Variants in PHYHD1 observed in about 807,000 individuals in gnomAD.
The protein encoded by PHYHD1 is phytanoyl-CoA dioxygenase domain-containing protein 1.
Under a neutral mutation model 43.6 loss-of-function variants are expected in PHYHD1, and 42 were observed. The observed-to-expected ratio is 0.96, with a 90% CI of 0.75 to 1.25. PHYHD1 has a LOEUF of 1.25. PHYHD1 is among the 50% of genes most tolerant of loss of function. The pLI, the probability that PHYHD1 is intolerant of heterozygous loss-of-function variation, is 0.00. For synonymous variants in PHYHD1, 139 were observed against 143.6 expected (o/e 0.97, Z 0.23); for missense variants, 342 against 370.8 (o/e 0.92, Z 0.64).
intron 6 of PHYHD1, 78 bp from the exon 7 acceptor site, chr9:128,936,370 G>C: frequency 1.3e-6 from 2 of 1,540,654 alleles, no homozygotes; most frequent in Non-Finnish European, 1.8e-6. Flanking sequence ...AAGTAAGCCT[G>C]AGTGTGGGTG....
chr9:128,940,806 G>A (rs2131121114), intron 11 of PHYHD1, 91 bp downstream of exon 11: 1 of 1,270,192 alleles, frequency 7.9e-7, no homozygotes, highest in East Asian at 2.3e-5. Context: ...TTGCCCTCGG[G>A]GTCATCTGAG....
chr9:128,931,626 G>A (rs1238139710), intron 4 of PHYHD1, among the ~76,000 whole-genome samples: 6 of 152,076 alleles, frequency 3.9e-5, no homozygotes, highest in African/African-American at 1.2e-4. Flanking sequence ...CTGGGCTCAC[G>A]CCATTCTCCT....
intron 3 of PHYHD1, 109 bp from the exon 4 acceptor site, chr9:128,926,929 C>A: frequency 6.9e-7 from 1 of 1,457,794 alleles, no homozygotes; most frequent in Non-Finnish European, 9.6e-7. Context: ...GGGGACAGGG[C>A]AGCAAACAAG....
In PHYHD1 at chr9:128,936,467, C is replaced by T. The variant is rs140520862; in HGVS notation, c.336C>T (p.Pro112=). 5.5e-5 allele frequency: 89 copies of T among 1,613,496 alleles called. No individual in the cohort carries two copies. The African/African-American group carries it at 8.0e-4, about 15-fold the overall frequency. The stretch of plus-strand genomic sequence containing the variant: ...CCATAGCTCTGCACGCCCACGACCC[C>T]GTCTTCAAGAGCATCACACACTCCT... ...KIGHALHAHD[P]VFKSITHSFK... is the part of the protein sequence containing the mutation. The change falls in exon 7 of 13, where the codon CCC becomes CCT. Residue 112 remains proline (P), a synonymous_variant. Transcript: ENST00000372592.
chr9:128,922,161 T>A lies in PHYHD1; in HGVS notation c.-42+114T>A, dbSNP rs995001152. 1.3e-5 allele frequency: 9 copies of A among 707,214 alleles called. No homozygotes were observed. The African/African-American group carries it at 1.7e-4, about 13-fold the overall frequency. The allele number at this position is 707,214 out of a possible 1,614,324, so 43.8% of individuals were successfully genotyped here. ...GTTGTGGGGGTGGGGGAGATTAGCC[T>A]GGAGGTCACAGGCTGATCTGGCTGT... On this transcript the variant is annotated intron_variant, in intron 2 of 12. Coordinates refer to ENST00000372592, the MANE Select transcript of PHYHD1 (RefSeq NM_001100876.2).
chr9:128,937,152 G>A (rs888716091), intron 8 of PHYHD1, among the ~76,000 whole-genome samples: 3 of 151,888 alleles, frequency 2.0e-5, no homozygotes, highest in South Asian at 4.2e-4. Flanking sequence ...AGTGGCTCAC[G>A]CTTGTAATCC....
At chr9:128,935,487 T>C (rs1841400565) in intron 6 of PHYHD1, among the ~76,000 whole-genome samples, 1 of 148,854 alleles carries the variant, frequency 6.7e-6, no homozygotes. Flanking sequence ...AGCCGGACCT[T>C]GTTGTGGGCG....
At chr9:128,941,076 C>A (rs572080988) in intron 11 of PHYHD1, among the ~76,000 whole-genome samples, 3 of 152,154 alleles carry the variant, frequency 2.0e-5, no homozygotes, top group African/African-American at 7.2e-5. Context: ...GGCTGTTGGG[C>A]GGCCCTTTTT....
chr9:128,941,704 G>A lies in PHYHD1; in HGVS notation c.867G>A (p.Leu289=), dbSNP rs919900974. ...QPTAELPFPQ[L]YT ...CAGCTGAACTGCCCTTTCCCCAACTGTACACCTAAAGGCTCTCGCAGGGCA... is the reference window on the plus strand; with the variant it reads ...CAGCTGAACTGCCCTTTCCCCAACTATACACCTAAAGGCTCTCGCAGGGCA... Residue 289 remains leucine (L), a synonymous_variant, in exon 13 of 13, where the codon CTG becomes CTA. Transcript: ENST00000372592. 3.1e-6 allele frequency: 5 copies of A among 1,614,056 alleles called. No individual in the cohort carries two copies. In the African/African-American group the frequency reaches 6.7e-5, roughly 22 times the overall value.
Position 128,941,665 on chromosome 9 carries a change from C to A in PHYHD1, c.831-3C>A. ...AAGGTTGTTTCTCCTCTATCCTCTGCAGGCTCCAGCCAACAGCTGAACTGC... is the reference window on the plus strand; with the variant it reads ...AAGGTTGTTTCTCCTCTATCCTCTGAAGGCTCCAGCCAACAGCTGAACTGC... On this transcript the variant is annotated splice_region_variant and splice_polypyrimidine_tract_variant and intron_variant, in intron 12 of 12. Transcript: ENST00000372592. 1 of 1,614,196 alleles carries A rather than the reference C, an allele frequency of 6.2e-7. No individual in the cohort carries two copies. Among genetic ancestry groups the A allele is most frequent in the East Asian group, 2.2e-5 (1 of 44,888 alleles).
At chr9:128,924,281 G>T (rs867381712) in intron 3 of PHYHD1, among the ~76,000 whole-genome samples, 14 of 152,246 alleles carry the variant, frequency 9.2e-5, no homozygotes, top group Middle Eastern at 3.4e-3. Context: ...AGCTGGGCAT[G>T]GTGGCGGGCG....
intron 4 of PHYHD1, 67 bp from the exon 5 acceptor site, chr9:128,933,715 C>T: frequency 6.5e-7 from 1 of 1,530,910 alleles, no homozygotes; most frequent in Non-Finnish European, 9.1e-7. Context: ...AATCCGCCTC[C>T]CTCTTTGCCA....
intron 10 of PHYHD1, 47 bp from the exon 11 acceptor site, chr9:128,940,552 G>A (rs1841532021): frequency 1.9e-6 from 3 of 1,613,872 alleles, no homozygotes; most frequent in African/African-American, 1.3e-5. Flanking sequence ...CTAGGGAGAG[G>A]GACCTTGAGA....
rs773129434 is a variant in PHYHD1 at position 128,936,576 on chromosome 9, C to T, written c.373-7C>T. On this transcript the variant is annotated splice_region_variant and splice_polypyrimidine_tract_variant and intron_variant, in intron 7 of 12. Coordinates refer to ENST00000372592, the MANE Select transcript of PHYHD1 (RefSeq NM_001100876.2). ...AGGCTGGCAGCATGACCTTTGCCCC[C>T]CTCCAGACCTTGGCCAGAAGTCTGG... 1 of 1,592,264 alleles carries T rather than the reference C, an allele frequency of 6.3e-7. No individual in the cohort carries two copies. The highest frequency in any genetic ancestry group is 8.6e-7 in the Non-Finnish European group (1 of 1,169,008).
chr9:128,924,165 C>T (rs947276560), intron 3 of PHYHD1, among the ~76,000 whole-genome samples: 5 of 152,040 alleles, frequency 3.3e-5, no homozygotes, highest in African/African-American at 1.2e-4. Context: ...GCCTGTAATC[C>T]TAGCACTTTG....
intron 11 of PHYHD1, 29 bp from the exon 12 acceptor site, chr9:128,941,416 G>A: frequency 6.2e-7 from 1 of 1,609,356 alleles, no homozygotes; most frequent in Non-Finnish European, 8.5e-7. Flanking sequence ...GGGGCTGGTA[G>A]GTTCCTGACC....
intron 6 of PHYHD1, among the ~76,000 whole-genome samples, chr9:128,935,851 G>A (rs549697662): frequency 3.4e-5 from 5 of 147,624 alleles, no homozygotes; most frequent in Non-Finnish European, 7.5e-5. Flanking sequence ...GCAGTGAGCC[G>A]AGATTGTGCC....
intron 6 of PHYHD1, among the ~76,000 whole-genome samples, chr9:128,934,966 T>TG (rs1433484962): frequency 6.6e-6 from 1 of 152,080 alleles, no homozygotes; most frequent in Non-Finnish European, 1.5e-5. Context: ...CTGCCTGGCC[T>TG]GGGGGAGCTC....
Position 128,939,439 on chromosome 9 carries a change from C to T in PHYHD1, c.458-930C>T, listed in dbSNP as rs565161660. 5.7e-5 allele frequency among the ~76,000 whole-genome samples: 7 copies of T among 122,952 alleles called. 2 individuals carry two copies. The highest frequency in any genetic ancestry group is 5.6e-4 in the South Asian group (2 of 3,540). 80.7% of individuals were successfully genotyped at this position (122,952 alleles called of 152,430 possible). A position where few individuals can be genotyped will look rare whatever the true frequency, so the allele number is the denominator to read the frequency against. ...ACTAAAAATATGAAAATTAGCTGGG[C>T]GTGGTGTCAGGCACCTGTAATCCCA... On this transcript the variant is annotated intron_variant, in intron 9 of 12. Coordinates refer to ENST00000372592, the MANE Select transcript of PHYHD1 (RefSeq NM_001100876.2).
Sources: gnomAD v4.1 joint callset for allele counts (sites outside exome capture counted in the v4.1 genomes callset) on GRCh38, gnomAD v4.1.1 for gene constraint, MANE v1.5 for transcripts, NCBI Gene and HGNC (gene_info 2026-07-23, HGNC 2026-07-21) for gene names.